PCDHA9: variants seen among roughly 807,000 people sequenced by gnomAD.
The protein encoded by PCDHA9 is protocadherin alpha 9, also known as protocadherin alpha-9.
A neutral mutation model predicts 62.0 loss-of-function variants in PCDHA9; 62 were observed. The observed-to-expected ratio is 1.00, with a 90% CI of 0.81 to 1.23. The LOEUF (loss-of-function observed/expected upper bound fraction) is 1.23. Ranked by LOEUF, PCDHA9 falls within the 50% of genes most tolerant of loss-of-function variation. The pLI, the probability that PCDHA9 is intolerant of heterozygous loss-of-function variation, is 0.00. For synonymous variants in PCDHA9, 557 were observed against 567.6 expected (o/e 0.98, Z 0.27); for missense variants, 1,205 against 1,249.8 (o/e 0.96, Z 0.54).
chr5:141,002,656 C>T lies in PCDHA9; in HGVS notation c.2543-6971C>T, dbSNP rs115710244. Among the ~76,000 whole-genome samples the T allele has an allele frequency of 3.7e-3, 571 of 152,302 alleles. 5 individuals are homozygous for T. The highest frequency in any genetic ancestry group is 0.013 in the African/African-American group (539 of 41,574). On this transcript the variant is annotated intron_variant, in intron 3 of 3. Coordinates refer to ENST00000532602, the MANE Select transcript of PCDHA9 (RefSeq NM_031857.2). The stretch of plus-strand genomic sequence containing the variant: ...CTAGAAATGTCTACTTCATAGGGCT[C>T]TTGTCAGGACCAAAACCTATACGAC...
chr5:140,856,312 G>C, intron 1 of PCDHA9: 1 of 1,598,632 alleles, frequency 6.3e-7, no homozygotes, highest in Non-Finnish European at 8.6e-7. Context: ...TGAATTCTCG[G>C]ATTGACCGCG....
At chr5:140,871,043 T>A (rs763700203) in intron 1 of PCDHA9, 1 of 1,613,370 alleles carries the variant, frequency 6.2e-7, no homozygotes, top group Non-Finnish European at 8.5e-7. Context: ...CACCGACTTC[T>A]AGTACTGGTG....
At chr5:140,946,867 G>A (rs1194586546) in intron 1 of PCDHA9, among the ~76,000 whole-genome samples, 1 of 151,282 alleles carries the variant, frequency 6.6e-6, no homozygotes, top group Non-Finnish European at 1.5e-5. Context: ...GGAGAGGTTG[G>A]TCAATGGGTA....
chr5:141,005,701 CAAAAAAAAAAA>C (rs59860837), intron 3 of PCDHA9, among the ~76,000 whole-genome samples: 24 of 7,788 alleles, frequency 3.1e-3, no homozygotes, highest in African/African-American at 7.5e-3. Flanking sequence ...AACTCCGTCT[CAAAAAAAAAAA>C]AAAAAAAAAA....
intron 3 of PCDHA9, among the ~76,000 whole-genome samples, chr5:141,002,590 C>T (rs183905414): frequency 6.6e-6 from 1 of 152,294 alleles, no homozygotes; most frequent in East Asian, 1.9e-4. Flanking sequence ...AGTCCTTAGT[C>T]CCCTCATCTA....
At chr5:140,898,894 G>A (rs1200031286) in intron 1 of PCDHA9, among the ~76,000 whole-genome samples, 5 of 152,102 alleles carry the variant, frequency 3.3e-5, no homozygotes, top group African/African-American at 9.7e-5. Context: ...TCTCCTTGAA[G>A]AGGTCCTTCA....
chr5:140,967,299 G>T, intron 1 of PCDHA9: 3 of 1,612,674 alleles, frequency 1.9e-6, no homozygotes, highest in Non-Finnish European at 2.5e-6. Flanking sequence ...CCCGACGTGG[G>T]CGCCAACTCA....
At chr5:140,889,144 A>G (rs2062119546) in intron 1 of PCDHA9, among the ~76,000 whole-genome samples, 1 of 151,794 alleles carries the variant, frequency 6.6e-6, no homozygotes, top group African/African-American at 2.4e-5. Flanking sequence ...TTTTCTTCCT[A>G]ATTTCTTCTT....
chr5:140,971,692 C>T (rs2096492766), intron 1 of PCDHA9, among the ~76,000 whole-genome samples: 1 of 152,116 alleles, frequency 6.6e-6, no homozygotes, highest in South Asian at 2.1e-4. Context: ...TTTGTACTCA[C>T]TAACCACCCT....
At chr5:140,876,478 G>T in intron 1 of PCDHA9, 1 of 1,614,032 alleles carries the variant, frequency 6.2e-7, no homozygotes, top group Non-Finnish European at 8.5e-7. Flanking sequence ...TCACAGCATG[G>T]TCCTGGTGGA....
intron 3 of PCDHA9, among the ~76,000 whole-genome samples, chr5:140,992,328 A>G (rs2097505285): frequency 6.6e-6 from 1 of 152,150 alleles, no homozygotes; most frequent in South Asian, 2.1e-4. Flanking sequence ...CTTTTCTAAG[A>G]GCAAAGATGG....
intron 1 of PCDHA9, among the ~76,000 whole-genome samples, chr5:140,971,869 A>G (rs1277835883): frequency 1.3e-5 from 2 of 152,182 alleles, no homozygotes; most frequent in Non-Finnish European, 2.9e-5. Flanking sequence ...AACATCTAGC[A>G]TATGAGGAAA....
chr5:140,966,436 G>T, intron 1 of PCDHA9: 1 of 421,750 alleles, frequency 2.4e-6, no homozygotes. Flanking sequence ...CCCTCCTACC[G>T]CTCCCTTTCC....
chr5:140,989,788 G>A (rs2097360346), intron 3 of PCDHA9, among the ~76,000 whole-genome samples: 2 of 152,158 alleles, frequency 1.3e-5, no homozygotes, highest in Admixed American at 1.3e-4. Context: ...GAGACTAGAG[G>A]CCCCCAGGAA....
intron 1 of PCDHA9, chr5:140,870,969 C>T: frequency 1.2e-6 from 2 of 1,613,644 alleles, no homozygotes; most frequent in Non-Finnish European, 1.7e-6. Context: ...TCCCGTTCCG[C>T]GTGGGGCTGT....
Position 140,850,745 on chromosome 5 carries a change from C to T in PCDHA9, c.2250C>T (p.Tyr750=). The T allele has an allele frequency of 6.3e-7, 1 of 1,597,954 alleles. No individual in the cohort carries two copies. The change falls in exon 1 of 4, where the codon TAC becomes TAT. Residue 750 remains tyrosine (Y), a synonymous_variant. Transcript: ENST00000532602. ...CTAGCGCGGTGGGGAGTTGGTCGTA[C>T]TCGCAGCAGAGGAGGCAGAGGGTGT... The part of the protein sequence containing the change: ...VCSSAVGSWS[Y]SQQRRQRVCS...
chr5:140,862,911 G>A (rs781861917), intron 1 of PCDHA9: 3 of 549,326 alleles, frequency 5.5e-6, no homozygotes, highest in Admixed American at 3.9e-5. Context: ...CGCTGCTGGC[G>A]CCTTGGGTGG....
intron 1 of PCDHA9, among the ~76,000 whole-genome samples, chr5:140,901,764 G>A (rs1217710808): frequency 6.6e-6 from 1 of 152,120 alleles, no homozygotes; most frequent in Non-Finnish European, 1.5e-5. Context: ...GACAGGGATT[G>A]CATTGAATTT....
intron 1 of PCDHA9, among the ~76,000 whole-genome samples, chr5:140,912,746 A>G (rs1322674627): frequency 6.6e-6 from 1 of 152,200 alleles, no homozygotes; most frequent in Admixed American, 6.5e-5. Flanking sequence ...TGGGTCTGTC[A>G]TAGATGGCTT....
Sources: gnomAD v4.1 joint callset for allele counts (sites outside exome capture counted in the v4.1 genomes callset) on GRCh38, gnomAD v4.1.1 for gene constraint, MANE v1.5 for transcripts, NCBI Gene and HGNC (gene_info 2026-07-23, HGNC 2026-07-21) for gene names.